Variants in ELFN2 observed in about 807,000 individuals in gnomAD.
The protein encoded by ELFN2 is extracellular leucine rich repeat and fibronectin type III domain containing 2, also known as protein phosphatase 1 regulatory subunit 29.
A neutral mutation model predicts 45.5 loss-of-function variants in ELFN2; 17 were observed. The ratio of observed to expected loss-of-function variants is 0.37; its 90% CI spans 0.26 to 0.56. ELFN2 has a LOEUF of 0.56. Ranked by LOEUF, ELFN2 falls within the 20% of genes least tolerant of loss-of-function variation. The probability of loss-of-function intolerance (pLI) is 0.77; values close to 1 mark genes in which losing one functional copy is unlikely to be tolerated. For missense variants in ELFN2, 922 were observed against 1,183.2 expected (o/e 0.78, Z 3.24); for synonymous variants, 550 against 551.5 (o/e 1.00, Z 0.04).
At chr22:37,414,252 T>C (rs1002393179) in intron 2 of ELFN2, among the ~76,000 whole-genome samples, 6 of 151,748 alleles carry the variant, frequency 4.0e-5, no homozygotes, top group Non-Finnish European at 7.4e-5. Context: ...CAGCATCAAG[T>C]TGTGTTAAGG....
chr22:37,423,347 C>CAAA (rs1932824744), intron 1 of ELFN2, among the ~76,000 whole-genome samples: 1 of 152,168 alleles, frequency 6.6e-6, no homozygotes, highest in Non-Finnish European at 1.5e-5. Context: ...GGTCACTGCA[C>CAAA]CCATTTACAG....
At position 37,374,573 on chromosome 22, in the gene ELFN2, T is replaced by C. The variant is rs1473033620; in HGVS notation, c.962A>G (p.Lys321Arg). The C allele has an allele frequency of 6.2e-7, 1 of 1,614,224 alleles. No homozygotes were observed. Among genetic ancestry groups the C allele is most frequent in the East Asian group, 2.2e-5 (1 of 44,888 alleles). The change falls in exon 3 of 3, where the codon AAG (lysine) becomes AGG (arginine). Residue 321 changes from lysine (K) to arginine (R), a missense_variant. Coordinates refer to ENST00000402918, the MANE Select transcript of ELFN2 (RefSeq NM_052906.5). ...LVVIIPHPYS[K>R]MYILVQYNNS... ...GTTGTACTGCACGAGGATGTACATCTTGCTGTAGGGGTGTGGGATGATGAC... is the reference window on the plus strand; with the variant it reads ...GTTGTACTGCACGAGGATGTACATCCTGCTGTAGGGGTGTGGGATGATGAC...
intron 1 of ELFN2, among the ~76,000 whole-genome samples, chr22:37,422,162 C>T (rs1433172219): frequency 2.0e-5 from 3 of 151,978 alleles, no homozygotes; most frequent in African/African-American, 7.3e-5. Flanking sequence ...GCACTTCAGG[C>T]GGTGAAAAGC....
chr22:37,360,560 G>A (rs1022447370), intron 1 of ELFN2, among the ~76,000 whole-genome samples: 9 of 152,054 alleles, frequency 5.9e-5, no homozygotes, highest in Admixed American at 1.3e-4. Flanking sequence ...TACACCCCAC[G>A]CCACCCCTGC....
chr22:37,422,711 A>C (rs566650449), intron 1 of ELFN2, among the ~76,000 whole-genome samples: 24 of 151,922 alleles, frequency 1.6e-4, no homozygotes, highest in Non-Finnish European at 3.2e-4. Flanking sequence ...CTCCTGCCTC[A>C]ACCTCCTGAG....
intron 2 of ELFN2, among the ~76,000 whole-genome samples, chr22:37,394,552 G>A (rs540620076): frequency 4.2e-4 from 64 of 152,282 alleles, no homozygotes; most frequent in South Asian, 2.5e-3. Flanking sequence ...CCCGTGGACC[G>A]TCAGGGGGCC....
rs776605109 is a variant in ELFN2, at chr22:37,374,523, T to C, written c.1012A>G (p.Thr338Ala). 1.9e-6 allele frequency: 3 copies of C among 1,614,160 alleles called. No individual in the cohort carries two copies. The highest frequency in any genetic ancestry group is 1.7e-6 in the Non-Finnish European group (2 of 1,180,034). The change falls in exon 3 of 3, where the codon ACC becomes GCC. Residue 338 changes from threonine (T) to alanine (A), a missense_variant. By Grantham distance (58) the Thr-to-Ala change is moderately conservative. Transcript: ENST00000402918. ...YNNSYFSDVM[T>A]LKNKKEIVTL... Reference sequence around the variant, plus strand: ...ACGATCTCCTTCTTGTTCTTGAGGGTCATGACGTCGGAGAAGTAGCTGTTG... The same window carrying C: ...ACGATCTCCTTCTTGTTCTTGAGGGCCATGACGTCGGAGAAGTAGCTGTTG...
At chr22:37,358,539 C>A (rs1046546394) in intron 1 of ELFN2, among the ~76,000 whole-genome samples, 1 of 152,248 alleles carries the variant, frequency 6.6e-6, no homozygotes, top group African/African-American at 2.4e-5. Context: ...CGATTAGATA[C>A]AACCGATTCT....
Position 37,374,862 on chromosome 22 carries a change from G to T in ELFN2, c.673C>A (p.Pro225Thr). The T allele has an allele frequency of 1.9e-6, 3 of 1,608,964 alleles. No individual in the cohort carries two copies. Among genetic ancestry groups the T allele is most frequent in the Non-Finnish European group, 2.5e-6 (3 of 1,179,834 alleles). Residue 225 changes from proline (P) to threonine (T), a missense_variant, in exon 3 of 3, where the codon CCG becomes ACG. By Grantham distance (38) the Pro-to-Thr change is conservative. Around this residue, in one of 2 missense-constraint regions of ELFN2, gnomAD observed 358 missense variants for 540.4 expected, o/e 0.66. Coordinates refer to ENST00000402918, the MANE Select transcript of ELFN2 (RefSeq NM_052906.5). ...TGGTAGGGCCGGGGCACCAGCAGCG[G>T]GTAGCCGGCAAACTCCCGCGGCGAC... The part of the protein sequence containing the change: ...CESPREFAGY[P>T]LLVPRPYHSL...
intron 1 of ELFN2, among the ~76,000 whole-genome samples, chr22:37,343,778 A>G (rs1379443556): frequency 8.1e-6 from 1 of 123,108 alleles, no homozygotes; most frequent in Non-Finnish European, 1.7e-5. Flanking sequence ...CTCCAGCCCT[A>G]TCTAGCCCCT....
chr22:37,389,323 C>T (rs1176380605), intron 2 of ELFN2, among the ~76,000 whole-genome samples: 2 of 152,092 alleles, frequency 1.3e-5, no homozygotes, highest in East Asian at 3.9e-4. Flanking sequence ...CCCTCTCTCC[C>T]TCTCTAAGCT....
In ELFN2 at chr22:37,374,799, GA is replaced by G; in HGVS notation, c.735del (p.Arg246GlyfsTer10). Reference protein sequence around the residue: ...LNAITVLQAKCRNGSLPARPV... With the variant: ...LNAITVLQAKXRNGSLPARPV... ...GGCCGGGCGGGCAGCGAGCCATTCC[GA>G]CACTTGGCCTGGAGTACGGTGATGG... is the stretch of plus-strand genomic sequence containing the variant. On this transcript the variant is annotated frameshift_variant, in exon 3 of 3. Transcript: ENST00000402918. LOFTEE classifies it high-confidence loss of function. 1 of 1,607,334 alleles carries G rather than the reference GA, an allele frequency of 6.2e-7. No homozygotes were observed. Among genetic ancestry groups the G allele is most frequent in the Non-Finnish European group, 8.5e-7 (1 of 1,179,364 alleles).
chr22:37,355,636 C>G (rs186317083), intron 1 of ELFN2, among the ~76,000 whole-genome samples: 1 of 152,224 alleles, frequency 6.6e-6, no homozygotes. Flanking sequence ...GGAGCCCCAG[C>G]AGACATCTTC....
chr22:37,362,570 C>T (rs1430342198), intron 1 of ELFN2, among the ~76,000 whole-genome samples: 1 of 152,202 alleles, frequency 6.6e-6, no homozygotes, highest in Non-Finnish European at 1.5e-5. Context: ...GGACGTTGGG[C>T]CATGCCCGAT....
intron 2 of ELFN2, among the ~76,000 whole-genome samples, chr22:37,399,057 G>A (rs1932291609): frequency 6.6e-6 from 1 of 151,994 alleles, no homozygotes; most frequent in Non-Finnish European, 1.5e-5. Context: ...GGAGCTCAGG[G>A]GCCTCTGGTG....
chr22:37,408,283 C>T lies in ELFN2; in HGVS notation c.-463+9486G>A, dbSNP rs149062707. ...CATCACATACCCCAGGGCCCATCAG[C>T]TCCCAATCACGGGATCTGCGGCCCG... is the stretch of plus-strand genomic sequence containing the variant. On this transcript the variant is annotated intron_variant, in intron 2 of 2. Transcript: ENST00000402918. 2.9e-3 allele frequency among the ~76,000 whole-genome samples: 447 copies of T among 152,364 alleles called. 5 individuals are homozygous for T. The highest frequency in any genetic ancestry group is 9.9e-3 in the African/African-American group (410 of 41,578).
intron 1 of ELFN2, among the ~76,000 whole-genome samples, chr22:37,351,918 C>T (rs1022638463): frequency 1.3e-5 from 2 of 151,056 alleles, no homozygotes; most frequent in African/African-American, 2.4e-5. Context: ...TGTTCTGTTG[C>T]AGGAGCTGCC....
At chr22:37,359,385 C>T (rs1931027147) in intron 1 of ELFN2, among the ~76,000 whole-genome samples, 1 of 152,134 alleles carries the variant, frequency 6.6e-6, no homozygotes, top group African/African-American at 2.4e-5. Flanking sequence ...CCCTGCCACT[C>T]CCCTCTTCCT....
At chr22:37,364,377 C>T (rs375918281), downstream of ELFN2, among the ~76,000 whole-genome samples, 71 of 152,274 alleles carry the variant, frequency 4.7e-4, 1 homozygote, top group South Asian at 0.014. Context: ...AGGAAAGAGC[C>T]GGGGGTGCAG....
Sources: gnomAD v4.1 joint callset for allele counts (sites outside exome capture counted in the v4.1 genomes callset) on GRCh38, gnomAD v4.1.1 for gene constraint, gnomAD v4.1.1 regional missense constraint, MANE v1.5 for transcripts, NCBI Gene and HGNC (gene_info 2026-07-23, HGNC 2026-07-21) for gene names.